Variants in RICTOR observed in about 807,000 individuals in gnomAD.
RICTOR encodes RPTOR independent companion of MTOR complex 2, also known as rapamycin-insensitive companion of mTOR.
A neutral mutation model predicts 214.9 loss-of-function variants in RICTOR; 49 were observed. The ratio of observed to expected loss-of-function variants is 0.23; its 90% CI spans 0.18 to 0.29. The LOEUF (loss-of-function observed/expected upper bound fraction) is 0.29, where lower values mean the gene tolerates loss of function less well. RICTOR is among the 10% of genes least tolerant of loss of function. The pLI is 1.00. For synonymous variants in RICTOR, 717 were observed against 711.3 expected (o/e 1.01, Z -0.13); for missense variants, 1,625 against 2,047.0 (o/e 0.79, Z 3.98).
chr5:39,025,468 G>A (rs1344335984), intron 2 of RICTOR, among the ~76,000 whole-genome samples: 2 of 152,224 alleles, frequency 1.3e-5, no homozygotes, highest in Non-Finnish European at 2.9e-5. Flanking sequence ...TAATGTTTTA[G>A]ATCAGAAAGC....
chr5:39,053,277 C>A, intron 2 of RICTOR, among the ~76,000 whole-genome samples: 1 of 152,148 alleles, frequency 6.6e-6, no homozygotes, highest in East Asian at 1.9e-4. Flanking sequence ...AGTCAACAAA[C>A]CAAAACACAG....
intron 2 of RICTOR, among the ~76,000 whole-genome samples, chr5:39,057,667 G>A (rs745745221): frequency 3.3e-5 from 5 of 151,786 alleles, no homozygotes; most frequent in Non-Finnish European, 7.4e-5. Flanking sequence ...CTAAAAACAA[G>A]TATTCTTTTG....
chr5:38,945,874 T>C, intron 33 of RICTOR, 150 bp from the exon 34 acceptor site: 1 of 532,402 alleles, frequency 1.9e-6, no homozygotes, highest in South Asian at 3.0e-5. Context: ...CTTTAAGTTA[T>C]AAAAATAAGG....
intron 11 of RICTOR, 63 bp from the exon 12 acceptor site, chr5:38,968,093 TCC>T: frequency 1.1e-6 from 1 of 897,816 alleles, no homozygotes; most frequent in Non-Finnish European, 1.9e-6. Context: ...TTTTTAAATG[TCC>T]TATTCACATT....
chr5:39,060,964 G>A (rs1010056876), intron 2 of RICTOR, among the ~76,000 whole-genome samples: 6 of 151,914 alleles, frequency 3.9e-5, no homozygotes, highest in Admixed American at 1.3e-4. Context: ...AGTTACACAG[G>A]TGTATTAATA....
chr5:38,987,084 G>T (rs529319848), intron 7 of RICTOR, among the ~76,000 whole-genome samples: 27 of 152,118 alleles, frequency 1.8e-4, no homozygotes, highest in Admixed American at 3.3e-4. Flanking sequence ...CAACTTGATC[G>T]TGGTGGATAA....
chr5:39,063,664 A>G (rs1331747957), intron 2 of RICTOR, among the ~76,000 whole-genome samples: 1 of 152,136 alleles, frequency 6.6e-6, no homozygotes, highest in African/African-American at 2.4e-5. Flanking sequence ...ACACTGATAG[A>G]GCTATATCCC....
chr5:38,958,645 A>G (rs753058778), intron 23 of RICTOR, 22 bp downstream of exon 23: 2 of 1,563,320 alleles, frequency 1.3e-6, no homozygotes, highest in Non-Finnish European at 1.7e-6. Context: ...TAAGTATTAA[A>G]TTATAAAAAA....
Position 39,014,338 on chromosome 5 carries a change from C to T in RICTOR, c.195+6701G>A, listed in dbSNP as rs185731205. On this transcript the variant is annotated intron_variant, in intron 3 of 37. Transcript: ENST00000357387. Reference sequence around the variant, plus strand: ...CAATTCCCAAGAAAATACACATACACATTTATAATTATACCAGAAAAGGAT... The same window carrying T: ...CAATTCCCAAGAAAATACACATACATATTTATAATTATACCAGAAAAGGAT... Among the ~76,000 whole-genome samples, 264 of 152,200 alleles carry T rather than the reference C, an allele frequency of 1.7e-3. 2 individuals carry two copies. The highest frequency in any genetic ancestry group is 4.8e-3 in the African/African-American group (199 of 41,556).
In RICTOR at chr5:38,952,197, C is replaced by T. The variant is rs773334567; in HGVS notation, c.3126G>A (p.Ser1042=). 12 of 1,577,864 alleles carry T rather than the reference C, an allele frequency of 7.6e-6. No individual in the cohort carries two copies. Among genetic ancestry groups the T allele is most frequent in the African/African-American group, 6.7e-5 (5 of 74,108 alleles). ...ATATGAACCTGTCAGGATACTCACT[C>T]GATGGCACAGATTCACTTTCACTAT... is the stretch of plus-strand genomic sequence containing the variant. ...RHNSESESVP[S]SMFILEDDRF... The change falls in exon 30 of 38, where the codon TCG becomes TCA. Residue 1042 remains serine (S), a splice_region_variant and synonymous_variant. Transcript: ENST00000357387.
chr5:39,058,045 G>A (rs932278047), intron 2 of RICTOR, among the ~76,000 whole-genome samples: 6 of 151,802 alleles, frequency 4.0e-5, no homozygotes, highest in African/African-American at 1.5e-4. Context: ...AACACATGTT[G>A]CCAAGTTGCT....
chr5:39,070,496 A>G (rs1759242461), intron 2 of RICTOR, among the ~76,000 whole-genome samples: 1 of 152,142 alleles, frequency 6.6e-6, no homozygotes, highest in Non-Finnish European at 1.5e-5. Flanking sequence ...AAAAAAAGTT[A>G]GAGTTCAAAT....
intron 11 of RICTOR, among the ~76,000 whole-genome samples, chr5:38,969,152 G>A (rs761488312): frequency 6.6e-6 from 1 of 151,706 alleles, no homozygotes; most frequent in African/African-American, 2.4e-5. Context: ...TGTATTTTCA[G>A]TAGCGATGGG....
chr5:38,973,841 TTCAA>T (rs1329295587), intron 10 of RICTOR, among the ~76,000 whole-genome samples: 1 of 152,212 alleles, frequency 6.6e-6, no homozygotes, highest in African/African-American at 2.4e-5. Context: ...AAGATCATTT[TTCAA>T]TCAGTTATTT....
At chr5:38,993,638 A>G (rs1176740295) in intron 6 of RICTOR, among the ~76,000 whole-genome samples, 1 of 152,050 alleles carries the variant, frequency 6.6e-6, no homozygotes, top group Admixed American at 6.5e-5. Context: ...TAATAGACAT[A>G]CTTTTATTAG....
At chr5:39,056,592 A>G (rs1758221831) in intron 2 of RICTOR, among the ~76,000 whole-genome samples, 1 of 152,024 alleles carries the variant, frequency 6.6e-6, no homozygotes, top group African/African-American at 2.4e-5. Context: ...AGCCATGATC[A>G]TGCCACTGCC....
intron 2 of RICTOR, among the ~76,000 whole-genome samples, chr5:39,073,431 T>A (rs1759470240): frequency 6.6e-6 from 1 of 151,924 alleles, no homozygotes; most frequent in Non-Finnish European, 1.5e-5. Context: ...AACAAACCCA[T>A]CTCCACTGCA....
intron 3 of RICTOR, among the ~76,000 whole-genome samples, chr5:39,017,205 G>A (rs1454090655): frequency 1.3e-5 from 2 of 152,134 alleles, no homozygotes; most frequent in East Asian, 1.9e-4. Context: ...ATCTAGCTGT[G>A]CAAACTTGGT....
At chr5:38,994,419 TAAAAAAAAAAAAAAAAAAAAAAA>T (rs869254811) in intron 6 of RICTOR, among the ~76,000 whole-genome samples, 1 of 57,144 alleles carries the variant, frequency 1.7e-5, no homozygotes, top group South Asian at 7.8e-4. Context: ...AAGGTTTTAC[TAAAAAAAAAAAAAAAAAAAAAAA>T]AAAAAAAAAA....
Sources: gnomAD v4.1 joint callset for allele counts (sites outside exome capture counted in the v4.1 genomes callset) on GRCh38, gnomAD v4.1.1 for gene constraint, MANE v1.5 for transcripts, NCBI Gene and HGNC (gene_info 2026-07-23, HGNC 2026-07-21) for gene names.